The following ARFGEF3 variants were observed in gnomAD, a reference collection of about 807,000 sequenced individuals.
ARFGEF3 encodes brefeldin A-inhibited guanine nucleotide-exchange protein 3.
ARFGEF3 carries 96 observed loss-of-function variants against 221.7 expected under a neutral mutation model. The observed-to-expected ratio is 0.43, with a 90% confidence interval of 0.37 to 0.51. ARFGEF3 has a LOEUF of 0.51. Ranked by LOEUF, ARFGEF3 falls within the 20% of genes least tolerant of loss-of-function variation. The probability of loss-of-function intolerance (pLI) is 0.00; values close to 1 mark genes in which losing one functional copy is unlikely to be tolerated. For synonymous variants in ARFGEF3, 1,145 were observed against 1,126.8 expected, an observed-to-expected ratio of 1.02 and a Z score of -0.32; for missense variants, 2,410 against 2,789.9, an observed-to-expected ratio of 0.86 and a Z score of 3.07.
At chr6:138,229,972 G>A in intron 5 of ARFGEF3, 120 bp downstream of exon 5, 2 of 813,962 alleles carry the variant, frequency 2.5e-6, no homozygotes, top group East Asian at 2.7e-5. Flanking sequence ...TACTACCGTG[G>A]GGAATTTCCG....
intron 2 of ARFGEF3, among the ~76,000 whole-genome samples, chr6:138,198,572 A>G (rs955814719): frequency 1.3e-5 from 2 of 152,238 alleles, no homozygotes; most frequent in African/African-American, 4.8e-5. Flanking sequence ...AACATGAATA[A>G]TAACAACTTG....
At position 138,224,736 on chromosome 6, in the gene ARFGEF3, T is replaced by C. The variant is rs367819875; in HGVS notation, c.352-5048T>C. Reference sequence around the variant, plus strand: ...ACTACTAAGAAGCTGAGAAATCCAATGGTGTGTGTGTGTGCGTGTATGTGT... The same window carrying C: ...ACTACTAAGAAGCTGAGAAATCCAACGGTGTGTGTGTGTGCGTGTATGTGT... On this transcript the variant is annotated intron_variant, in intron 4 of 33. Coordinates refer to ENST00000251691, the MANE Select transcript of ARFGEF3 (RefSeq NM_020340.5). Among the ~76,000 whole-genome samples, 302 of 152,166 alleles carry C rather than the reference T, an allele frequency of 2.0e-3. 15 individuals are homozygous for C. In the South Asian group the frequency reaches 0.06, roughly 30 times the overall value.
At chr6:138,180,286 C>T (rs79041791) in intron 2 of ARFGEF3, among the ~76,000 whole-genome samples, 1 of 152,276 alleles carries the variant, frequency 6.6e-6, no homozygotes, top group Non-Finnish European at 1.5e-5. Flanking sequence ...TGTTGGACTC[C>T]CCTTGCTACC....
Position 138,280,081 on chromosome 6 carries a change from T to C in ARFGEF3, c.2378T>C (p.Val793Ala), listed in dbSNP as rs1779169143. The C allele has an allele frequency of 6.2e-7, 1 of 1,613,796 alleles. No individual in the cohort carries two copies. The highest frequency in any genetic ancestry group is 8.5e-7 in the Non-Finnish European group (1 of 1,179,842). The change falls in exon 14 of 34, where the codon GTG becomes GCG. Residue 793 changes from valine (V) to alanine (A), a missense_variant. Val to Ala is a moderately conservative substitution (Grantham distance 64, BLOSUM62 0). Coordinates refer to ENST00000251691, the MANE Select transcript of ARFGEF3 (RefSeq NM_020340.5). Reference protein sequence around the residue: ...QAWIEELYHQVLDRNMLGEAG... With the variant: ...QAWIEELYHQALDRNMLGEAG... ...TGGATTGAGGAGCTCTACCATCAGG[T>C]GCTCGACAGGAACATGCTTGGAGAG...
chr6:138,190,375 G>A (rs1166705668), intron 2 of ARFGEF3, among the ~76,000 whole-genome samples: 1 of 152,004 alleles, frequency 6.6e-6, no homozygotes, highest in Non-Finnish European at 1.5e-5. Flanking sequence ...GGTGGCATTT[G>A]GAAGGATGGA....
intron 22 of ARFGEF3, among the ~76,000 whole-genome samples, chr6:138,306,972 G>C (rs201345804): frequency 7.9e-6 from 1 of 126,306 alleles, no homozygotes; most frequent in Admixed American, 7.7e-5. Flanking sequence ...AAAAAAAAAA[G>C]AAAATAACAA....
intron 17 of ARFGEF3, among the ~76,000 whole-genome samples, chr6:138,287,945 C>T (rs1414182247): frequency 6.6e-6 from 1 of 152,068 alleles, no homozygotes; most frequent in Non-Finnish European, 1.5e-5. Context: ...TCTCACAGAT[C>T]CCCAGCGTTA....
rs188875991 is a variant in ARFGEF3, at chr6:138,327,704, C to T, written c.5002-317C>T. On this transcript the variant is annotated intron_variant, in intron 31 of 33. Coordinates refer to ENST00000251691, the MANE Select transcript of ARFGEF3 (RefSeq NM_020340.5). ...TCAGAGATAATCTTTTACAAAGCCC[C>T]TCTTTATTTACTTGTAGTTAATATT... is the stretch of plus-strand genomic sequence containing the variant. Among the ~76,000 whole-genome samples, 3 of 152,002 alleles carry T rather than the reference C, an allele frequency of 2.0e-5. No individual in the cohort carries two copies. The East Asian group carries it at 5.8e-4, about 29-fold the overall frequency.
rs574284185 is a variant in ARFGEF3, at chr6:138,296,921, G to A, written c.3614G>A (p.Arg1205His). The change falls in exon 21 of 34, where the codon CGC becomes CAC. Residue 1205 changes from arginine (R) to histidine (H), a missense_variant. By Grantham distance (29) the Arg-to-His change is conservative (BLOSUM62 0). Coordinates refer to ENST00000251691, the MANE Select transcript of ARFGEF3 (RefSeq NM_020340.5). ...SKARPLLHVMRCWSLVAPHLV... is the reference protein window; with the variant it reads ...SKARPLLHVMHCWSLVAPHLV... ...GCACGGCCCCTGCTCCACGTGATGC[G>A]CTGCTGGAGCCTTGTGGCCCCACAC... The A allele has an allele frequency of 6.0e-5, 97 of 1,613,814 alleles. No individual in the cohort carries two copies. The highest frequency in any genetic ancestry group is 7.5e-5 in the Non-Finnish European group (88 of 1,179,836).
intron 2 of ARFGEF3, among the ~76,000 whole-genome samples, chr6:138,196,003 A>AAAAAAAG (rs1777410534): frequency 6.7e-6 from 1 of 148,746 alleles, no homozygotes; most frequent in Non-Finnish European, 1.5e-5. Context: ...GTAAAAAAAA[A>AAAAAAAG]AAAAAAGAAA....
In ARFGEF3 at chr6:138,261,414, A is replaced by G. The variant is rs527271476; in HGVS notation, c.1105-113A>G. On this transcript the variant is annotated intron_variant, in intron 10 of 33. Coordinates refer to ENST00000251691, the MANE Select transcript of ARFGEF3 (RefSeq NM_020340.5). ...GTTCCAAATAATTCTGTTTCTCCTT[A>G]TACTATATCACTCAGTAGGGAAAGT... 1.2e-5 allele frequency: 7 copies of G among 598,496 alleles called. No individual in the cohort carries two copies. In the South Asian group the frequency reaches 1.9e-4, roughly 16 times the overall value. 37.1% of individuals were successfully genotyped at this position (598,496 alleles called of 1,614,324 possible). A position where few individuals can be genotyped will look rare whatever the true frequency, so the allele number is the denominator to read the frequency against.
intron 22 of ARFGEF3, among the ~76,000 whole-genome samples, chr6:138,300,328 C>G (rs1038980929): frequency 1.3e-5 from 2 of 152,114 alleles, no homozygotes; most frequent in Non-Finnish European, 2.9e-5. Flanking sequence ...AACACCTAAA[C>G]GTTAGATCAT....
intron 2 of ARFGEF3, among the ~76,000 whole-genome samples, chr6:138,186,190 A>G (rs771449813): frequency 6.6e-6 from 1 of 152,214 alleles, no homozygotes; most frequent in Admixed American, 6.5e-5. Flanking sequence ...CAGAAGACAC[A>G]TATGCCACTA....
In ARFGEF3 at chr6:138,317,789, A is replaced by G. The variant is rs528754061; in HGVS notation, c.4474+410A>G. On this transcript the variant is annotated intron_variant, in intron 27 of 33. Coordinates refer to ENST00000251691, the MANE Select transcript of ARFGEF3 (RefSeq NM_020340.5). ...GTTGGGCTTACTGGGTCTTCCAGTA[A>G]TATAAACCACTTTCAGCTATATGCG... Among the ~76,000 whole-genome samples, 9 of 152,334 alleles carry G rather than the reference A, an allele frequency of 5.9e-5. No individual in the cohort carries two copies. In the East Asian group the frequency reaches 1.7e-3, roughly 29 times the overall value.
chr6:138,167,463 T>G (rs951975443), intron 1 of ARFGEF3, among the ~76,000 whole-genome samples: 10 of 152,322 alleles, frequency 6.6e-5, no homozygotes, highest in African/African-American at 2.4e-4. Flanking sequence ...TGACTGTGTG[T>G]TCTTCCCCAC....
chr6:138,298,781 A>C lies in ARFGEF3; in HGVS notation c.3824A>C (p.Asp1275Ala). 1 of 1,611,244 alleles carries C rather than the reference A, an allele frequency of 6.2e-7. No individual in the cohort carries two copies. Among genetic ancestry groups the C allele is most frequent in the Non-Finnish European group, 8.5e-7 (1 of 1,178,860 alleles). ...GAATTGTGTGATGAGGACGTCCAAG[A>C]CCAGGTCAGTGTGACATGGTCATCA... ...QLELCDEDVQ[D>A]QVVTSIGELV... The change falls in exon 22 of 34, where the codon GAC becomes GCC. Residue 1275 changes from aspartate (D) to alanine (A), a missense_variant. By Grantham distance (126) the Asp-to-Ala change is moderately radical. This residue lies in a region of ARFGEF3 where 723 missense variants were observed against 991.9 expected (regional missense o/e 0.73). Transcript: ENST00000251691.
At chr6:138,217,720 T>A (rs1487197208) in intron 4 of ARFGEF3, 2 of 376,998 alleles carry the variant, frequency 5.3e-6, no homozygotes, top group African/African-American at 4.3e-5. Flanking sequence ...CAGAAACACA[T>A]GTGGTAGTTT....
chr6:138,251,583 G>A (rs1415643139), intron 8 of ARFGEF3, among the ~76,000 whole-genome samples: 2 of 152,048 alleles, frequency 1.3e-5, no homozygotes, highest in African/African-American at 2.4e-5. Context: ...TCTTAGTGTG[G>A]CCTACAGGAC....
intron 10 of ARFGEF3, among the ~76,000 whole-genome samples, chr6:138,260,741 T>A (rs1002763691): frequency 6.6e-6 from 1 of 151,980 alleles, no homozygotes; most frequent in Non-Finnish European, 1.5e-5. Context: ...CTGAACAGAT[T>A]AAGAAAATTG....
Sources: gnomAD v4.1 joint callset for allele counts (sites outside exome capture counted in the v4.1 genomes callset) on GRCh38, gnomAD v4.1.1 for gene constraint, gnomAD v4.1.1 regional missense constraint, MANE v1.5 for transcripts, NCBI Gene and HGNC (gene_info 2026-07-23, HGNC 2026-07-21) for gene names.